TP63: variants seen among roughly 807,000 people sequenced by gnomAD.
TP63 encodes the protein tumor protein 63.
Under a neutral mutation model 82.8 loss-of-function variants are expected in TP63, and 17 were observed. The ratio of observed to expected loss-of-function variants is 0.21; its 90% CI spans 0.14 to 0.31. The LOEUF (loss-of-function observed/expected upper bound fraction) is 0.31. Ranked by LOEUF, TP63 falls within the 10% of genes least tolerant of loss-of-function variation. The pLI, the probability that TP63 is intolerant of heterozygous loss-of-function variation, is 1.00. For synonymous variants in TP63, 330 were observed against 321.7 expected (o/e 1.03, Z -0.28); for missense variants, 648 against 895.3 (o/e 0.72, Z 3.52).
intron 1 of TP63, among the ~76,000 whole-genome samples, chr3:189,713,729 T>C (rs1718763787): frequency 6.6e-6 from 1 of 152,170 alleles, no homozygotes; most frequent in African/African-American, 2.4e-5. Flanking sequence ...GTATATTCTG[T>C]GAATAACTTT....
intron 4 of TP63, among the ~76,000 whole-genome samples, chr3:189,813,623 T>C (rs1179231053): frequency 6.6e-6 from 1 of 152,108 alleles, no homozygotes; most frequent in Non-Finnish European, 1.5e-5. Context: ...TTTTGTTTTT[T>C]AAATTGTGTT....
At chr3:189,840,208 T>G (rs529510349) in intron 4 of TP63, among the ~76,000 whole-genome samples, 1 of 152,274 alleles carries the variant, frequency 6.6e-6, no homozygotes, top group Non-Finnish European at 1.5e-5. Flanking sequence ...AGTGTTGTTT[T>G]TCATTGAAAG....
At chr3:189,826,769 G>T (rs1185527705) in intron 4 of TP63, among the ~76,000 whole-genome samples, 1 of 152,158 alleles carries the variant, frequency 6.6e-6, no homozygotes, top group African/African-American at 2.4e-5. Context: ...TTGTAATTTT[G>T]TATGGTATGC....
At chr3:189,617,898 T>C in the TP63 span, among the ~76,000 whole-genome samples, 2 of 152,158 alleles carry the variant, frequency 1.3e-5, no homozygotes, top group Non-Finnish European at 2.9e-5. Context: ...ATGAGTTGGA[T>C]TGTAATAATA....
intron 1 of TP63, among the ~76,000 whole-genome samples, chr3:189,675,814 C>T (rs1297556352): frequency 1.3e-5 from 2 of 152,034 alleles, no homozygotes; most frequent in Non-Finnish European, 1.5e-5. Flanking sequence ...AAATGTTATC[C>T]CATTTAAGAG....
At chr3:189,656,545 T>TA (rs1226088427) in intron 1 of TP63, among the ~76,000 whole-genome samples, 3 of 152,088 alleles carry the variant, frequency 2.0e-5, no homozygotes, top group African/African-American at 7.2e-5. Flanking sequence ...GGTTTAAACA[T>TA]ACCAAGTAAA....
At chr3:189,890,497 A>G (rs1326815606) in intron 12 of TP63, among the ~76,000 whole-genome samples, 9 of 152,196 alleles carry the variant, frequency 5.9e-5, no homozygotes, top group Non-Finnish European at 1.3e-4. Flanking sequence ...ACCCTTTGCA[A>G]TGGTTCCTAG....
intron 1 of TP63, among the ~76,000 whole-genome samples, chr3:189,693,239 A>G (rs909491985): frequency 6.6e-6 from 1 of 152,226 alleles, no homozygotes; most frequent in Non-Finnish European, 1.5e-5. Context: ...AGTGATTTAT[A>G]AAGTATATAC....
chr3:189,774,593 A>G (rs904851749), intron 3 of TP63, among the ~76,000 whole-genome samples: 18 of 152,048 alleles, frequency 1.2e-4, no homozygotes, highest in African/African-American at 4.3e-4. Context: ...ATAATCTCAT[A>G]TTTTTCCCAC....
chr3:189,771,785 G>A (rs540827762), intron 3 of TP63, among the ~76,000 whole-genome samples: 1 of 152,186 alleles, frequency 6.6e-6, no homozygotes, highest in Non-Finnish European at 1.5e-5. Flanking sequence ...GTCTGCTAAT[G>A]TCGGGTCAGT....
At chr3:189,843,534 A>G (rs73889852) in intron 4 of TP63, among the ~76,000 whole-genome samples, 12,789 of 152,188 alleles carry the variant, frequency 0.084, 613 homozygotes, top group East Asian at 0.17. Flanking sequence ...TGGCAGCTAG[A>G]CGGCTGTGGC....
intron 4 of TP63, among the ~76,000 whole-genome samples, chr3:189,828,988 T>A (rs373439788): frequency 2.8e-4 from 43 of 152,372 alleles, no homozygotes; most frequent in African/African-American, 1.0e-3. Context: ...GGCCTTTGAC[T>A]CGTGGTTGGT....
intron 1 of TP63, among the ~76,000 whole-genome samples, chr3:189,640,725 T>G (rs1408114532): frequency 6.6e-6 from 1 of 152,168 alleles, no homozygotes; most frequent in African/African-American, 2.4e-5. Flanking sequence ...TCCCTTCAGC[T>G]TTTGACCTCC....
At chr3:189,773,902 T>TTG (rs1489383680) in intron 3 of TP63, among the ~76,000 whole-genome samples, 1 of 149,456 alleles carries the variant, frequency 6.7e-6, no homozygotes, top group African/African-American at 2.5e-5. Flanking sequence ...TATCCATGTA[T>TTG]TGTGTCTCGT....
At chr3:189,610,218 G>C in the TP63 span, among the ~76,000 whole-genome samples, 4 of 151,876 alleles carry the variant, frequency 2.6e-5, no homozygotes, top group African/African-American at 4.8e-5. Context: ...CTTTTTAATG[G>C]GGTTGTTTGT....
At chr3:189,710,184 C>T (rs1429482611) in intron 1 of TP63, among the ~76,000 whole-genome samples, 1 of 152,156 alleles carries the variant, frequency 6.6e-6, no homozygotes, top group East Asian at 1.9e-4. Context: ...CATACCTTCA[C>T]TGTGTCCCTT....
At chr3:189,698,711 C>G (rs891562700) in intron 1 of TP63, among the ~76,000 whole-genome samples, 1 of 152,054 alleles carries the variant, frequency 6.6e-6, no homozygotes, top group Non-Finnish European at 1.5e-5. Flanking sequence ...TTATTACATC[C>G]TAGAACTCAT....
At chr3:189,627,896 GTAACTC>G (rs1479366821), upstream of TP63, among the ~76,000 whole-genome samples, 2 of 152,160 alleles carry the variant, frequency 1.3e-5, no homozygotes, top group Admixed American at 6.5e-5. Context: ...ACCTCATAAA[GTAACTC>G]TAAGAGGTCA....
intron 3 of TP63, among the ~76,000 whole-genome samples, chr3:189,778,949 T>C (rs1162995198): frequency 6.6e-6 from 1 of 152,208 alleles, no homozygotes; most frequent in Non-Finnish European, 1.5e-5. Context: ...CTTAGCTTTA[T>C]TTTTTATTTT....
Sources: gnomAD v4.1 joint callset for allele counts (sites outside exome capture counted in the v4.1 genomes callset) on GRCh38, gnomAD v4.1.1 for gene constraint, MANE v1.5 for transcripts, NCBI Gene and HGNC (gene_info 2026-07-23, HGNC 2026-07-21) for gene names.